NRROS: variants seen among roughly 807,000 people sequenced by gnomAD.
NRROS encodes the protein negative regulator of reactive oxygen species, also known as transforming growth factor beta activator LRRC33.
NRROS carries 6 observed loss-of-function variants against 12.0 expected under a neutral mutation model. The ratio of observed to expected loss-of-function variants is 0.50; its 90% CI spans 0.27 to 0.98. NRROS has a LOEUF of 0.98. Among genes scored for constraint, NRROS ranks in the 50% least tolerant of loss-of-function variants. The pLI is 0.11. For missense variants in NRROS, 857 were observed against 888.2 expected (o/e 0.96, Z 0.45); for synonymous variants, 462 against 410.2 (o/e 1.13, Z -1.53).
chr3:196,648,766 C>CAA lies in NRROS; in HGVS notation c.-13-5738_-13-5737dup, dbSNP rs34359599. Among the ~76,000 whole-genome samples, 578 of 74,696 alleles carry CAA rather than the reference C, an allele frequency of 7.7e-3. 23 individuals carry two copies. The highest frequency in any genetic ancestry group is 0.025 in the African/African-American group (435 of 17,510). The allele number at this position is 74,696 out of a possible 152,430, so 49.0% of individuals were successfully genotyped here. A position where few individuals can be genotyped will look rare whatever the true frequency, so the allele number is the denominator to read the frequency against. ...GGGCAACAAGAGTGAAACTCCATCT[C>CAA]AAAAAAAAAAAAAAAAAAAAAAAAT... On this transcript the variant is annotated intron_variant, in intron 1 of 2. Transcript: ENST00000328557.
At position 196,661,297 on chromosome 3, in the gene NRROS, C is replaced by T. The variant is rs1560057148; in HGVS notation, c.1654C>T (p.Pro552Ser). ...GTCGGGGAATTGCTTGACCACCTTC[C>T]CAAGGTTTGGGGGCAGCCTGGCCCT... is the stretch of plus-strand genomic sequence containing the variant. Reference protein sequence around the residue: ...DLSGNCLTTFPRFGGSLALET... With the variant: ...DLSGNCLTTFSRFGGSLALET... The change falls in exon 3 of 3, where the codon CCA (proline) becomes TCA (serine). Residue 552 changes from proline (P) to serine (S), a missense_variant. Transcript: ENST00000328557. The T allele has an allele frequency of 6.2e-7, 1 of 1,610,800 alleles. No homozygotes were observed. The highest frequency in any genetic ancestry group is 8.5e-7 in the Non-Finnish European group (1 of 1,178,328).
rs1560056075 is a variant in NRROS, at chr3:196,659,749, C to T, written c.109-3C>T. Reference sequence around the variant, plus strand: ...CTGCTGACCGGTGTGGTTTTGGCCGCAGGTGGGTGGAGCCGCTGACTGCCG... The same window carrying T: ...CTGCTGACCGGTGTGGTTTTGGCCGTAGGTGGGTGGAGCCGCTGACTGCCG... On this transcript the variant is annotated splice_region_variant and splice_polypyrimidine_tract_variant and intron_variant, in intron 2 of 2. Coordinates refer to ENST00000328557, the MANE Select transcript of NRROS (RefSeq NM_198565.3). 1 of 1,603,712 alleles carries T rather than the reference C, an allele frequency of 6.2e-7. No individual in the cohort carries two copies. Among genetic ancestry groups the T allele is most frequent in the Non-Finnish European group, 8.5e-7 (1 of 1,173,782 alleles).
chr3:196,658,796 G>A (rs1307881806), intron 2 of NRROS, among the ~76,000 whole-genome samples: 4 of 152,164 alleles, frequency 2.6e-5, no homozygotes, highest in South Asian at 4.2e-4. Flanking sequence ...GTGAAACCCC[G>A]TCTCTACTAA....
intron 2 of NRROS, among the ~76,000 whole-genome samples, chr3:196,656,144 G>A (rs1737533995): frequency 6.6e-6 from 1 of 152,058 alleles, no homozygotes; most frequent in Non-Finnish European, 1.5e-5. Flanking sequence ...TCCAGCCTGG[G>A]TGACAGAGTG....
chr3:196,650,863 T>C (rs1172124351), intron 1 of NRROS, among the ~76,000 whole-genome samples: 1 of 152,206 alleles, frequency 6.6e-6, no homozygotes, highest in African/African-American at 2.4e-5. Context: ...GTGTTCCAAA[T>C]GGGCCAAACC....
intron 1 of NRROS, among the ~76,000 whole-genome samples, chr3:196,652,887 T>C (rs1042925941): frequency 6.6e-6 from 1 of 152,184 alleles, no homozygotes; most frequent in Admixed American, 6.5e-5. Flanking sequence ...GGAGGGTTCT[T>C]ACCTCCCCAT....
Position 196,661,870 on chromosome 3 carries a change from C to A in NRROS, c.*148C>A. 5.5e-6 allele frequency: 3 copies of A among 540,910 alleles called. No individual in the cohort carries two copies. In the South Asian group the frequency reaches 1.5e-4, roughly 27 times the overall value. The allele number at this position is 540,910 out of a possible 1,614,324, so 33.5% of individuals were successfully genotyped here. ...TGTTTCCATTCCTCATCGCCCACCC[C>A]ACCCCCGCCCCCACCACCGCCCAAG... On this transcript the variant is annotated 3_prime_UTR_variant, in exon 3 of 3. Transcript: ENST00000328557.
At chr3:196,639,914 C>A (rs1737174936) in intron 1 of NRROS, 39 bp downstream of exon 1, 1 of 152,364 alleles carries the variant, frequency 6.6e-6, no homozygotes, top group Non-Finnish European at 1.5e-5. Flanking sequence ...CGGGGCACAG[C>A]CGGGGCCCTT....
intron 2 of NRROS, 117 bp from the exon 3 acceptor site, chr3:196,659,635 A>T (rs1266124432): frequency 9.5e-7 from 1 of 1,048,204 alleles, no homozygotes; most frequent in Non-Finnish European, 1.4e-6. Flanking sequence ...TAAAATGAAC[A>T]TCTCTAGAGC....
intron 1 of NRROS, among the ~76,000 whole-genome samples, chr3:196,652,171 GCATATGTTTTACATAT>G (rs1244622749): frequency 6.6e-6 from 1 of 152,170 alleles, no homozygotes; most frequent in East Asian, 1.9e-4. Flanking sequence ...GAACCTTCCT[GCATATGTTTTACATAT>G]CTAGTTGGTA....
rs368140079 is a variant in NRROS at position 196,647,434 on chromosome 3, A to C, written c.-13-7093A>C. Among the ~76,000 whole-genome samples, 8 of 152,220 alleles carry C rather than the reference A, an allele frequency of 5.3e-5. No homozygotes were observed. The East Asian group carries it at 1.5e-3, about 29-fold the overall frequency. ...CACAAGCTCTGAATTCACACATCAC[A>C]ATTCTAAATGTTTGTTGTTCTAATC... On this transcript the variant is annotated intron_variant, in intron 1 of 2. Transcript: ENST00000328557.
intron 1 of NRROS, among the ~76,000 whole-genome samples, chr3:196,646,673 G>A (rs577796479): frequency 9.2e-5 from 14 of 152,322 alleles, no homozygotes; most frequent in Non-Finnish European, 1.6e-4. Context: ...GTCTGGAGTC[G>A]CTGTGGGAAG....
chr3:196,653,635 C>G (rs1158919063), intron 1 of NRROS, among the ~76,000 whole-genome samples: 3 of 152,246 alleles, frequency 2.0e-5, no homozygotes, highest in African/African-American at 7.2e-5. Context: ...CTGGGAGAAA[C>G]TGCCCTGCTC....
chr3:196,647,002 C>T (rs78000568), intron 1 of NRROS, among the ~76,000 whole-genome samples: 3,101 of 152,288 alleles, frequency 0.02, 112 homozygotes, highest in African/African-American at 0.07. Context: ...CGTCTTTCTG[C>T]GTCAATCAAT....
At chr3:196,658,820 G>A (rs375745342) in intron 2 of NRROS, among the ~76,000 whole-genome samples, 6 of 152,040 alleles carry the variant, frequency 3.9e-5, no homozygotes, top group South Asian at 4.2e-4. Context: ...TACAAAAAAA[G>A]TTAGCTGGGC....
At chr3:196,653,659 C>T (rs1171490797) in intron 1 of NRROS, among the ~76,000 whole-genome samples, 1 of 152,230 alleles carries the variant, frequency 6.6e-6, no homozygotes, top group African/African-American at 2.4e-5. Context: ...CATCGGAGCT[C>T]GGGGAGCGAG....
chr3:196,654,701 G>A lies in NRROS; in HGVS notation c.108+54G>A. The stretch of plus-strand genomic sequence containing the variant: ...GGCTGCTCCTGTCCTGACAAGGCTT[G>A]GTCCATTTGGAAAGCTGACAGATTG... On this transcript the variant is annotated intron_variant, in intron 2 of 2. Coordinates refer to ENST00000328557, the MANE Select transcript of NRROS (RefSeq NM_198565.3). This position sits in a 1 kb window ranked among gnomAD's most constrained non-coding sequence, Gnocchi z 4.4. The A allele has an allele frequency of 8.9e-7, 1 of 1,122,442 alleles. No individual in the cohort carries two copies. Among genetic ancestry groups the A allele is most frequent in the Non-Finnish European group, 1.3e-6 (1 of 759,812 alleles). 69.5% of individuals were successfully genotyped at this position (1,122,442 alleles called of 1,614,324 possible).
intron 1 of NRROS, among the ~76,000 whole-genome samples, chr3:196,644,162 GAGA>G (rs1737259503): frequency 6.6e-6 from 1 of 152,156 alleles, no homozygotes; most frequent in Non-Finnish European, 1.5e-5. Flanking sequence ...TCTCTGGCTA[GAGA>G]AGGTTAGAGC....
At chr3:196,645,525 C>T (rs936151803) in intron 1 of NRROS, among the ~76,000 whole-genome samples, 2 of 152,076 alleles carry the variant, frequency 1.3e-5, no homozygotes, top group African/African-American at 2.4e-5. Context: ...CGGTATAGCC[C>T]GTGTTCCAAG....
Sources: allele counts gnomAD v4.1 joint callset (sites outside exome capture counted in the v4.1 genomes callset), GRCh38; gene constraint gnomAD v4.1.1; non-coding constraint Gnocchi (gnomAD v3.1); transcripts MANE v1.5; gene names NCBI Gene and HGNC (gene_info 2026-07-23, HGNC 2026-07-21).